Variants in COMMD1 observed in about 807,000 individuals in gnomAD.
COMMD1 encodes the protein COMM domain-containing protein 1.
A neutral mutation model predicts 17.2 loss-of-function variants in COMMD1; 10 were observed. The observed-to-expected ratio is 0.58, with a 90% CI of 0.36 to 0.99. The LOEUF is 0.99. COMMD1 is among the 50% of genes least tolerant of loss of function. The pLI, the probability that COMMD1 is intolerant of heterozygous loss-of-function variation, is 0.01. For missense variants in COMMD1, 270 were observed against 231.8 expected (o/e 1.17, Z -1.07); for synonymous variants, 97 against 91.6 (o/e 1.06, Z -0.34).
intron 1 of COMMD1, among the ~76,000 whole-genome samples, chr2:61,891,709 C>G (rs140847613): frequency 0.013 from 1,959 of 151,754 alleles, 41 homozygotes; most frequent in African/African-American, 0.043. Context: ...GCCTGGGCGA[C>G]AGAGTGAGAC....
chr2:61,922,698 T>G (rs1231249117), intron 1 of COMMD1, among the ~76,000 whole-genome samples: 1 of 152,234 alleles, frequency 6.6e-6, no homozygotes, highest in Non-Finnish European at 1.5e-5. Context: ...TGAAATTGAT[T>G]AAAACAGACA....
intron 1 of COMMD1, among the ~76,000 whole-genome samples, chr2:61,985,659 A>T (rs1262856616): frequency 6.6e-6 from 1 of 151,818 alleles, no homozygotes; most frequent in Non-Finnish European, 1.5e-5. Context: ...TTTAGATTTG[A>T]GGTTACCATG....
At chr2:61,949,709 C>A (rs1558532901) in intron 1 of COMMD1, among the ~76,000 whole-genome samples, 1 of 152,182 alleles carries the variant, frequency 6.6e-6, no homozygotes, top group Non-Finnish European at 1.5e-5. Flanking sequence ...TGGCCTCCAA[C>A]AAAAGTGAGA....
chr2:61,926,072 G>A lies in COMMD1; in HGVS notation c.180+20214G>A, dbSNP rs994383260. Among the ~76,000 whole-genome samples, 15 of 152,084 alleles carry A rather than the reference G, an allele frequency of 9.9e-5. No individual in the cohort carries two copies. The East Asian group carries it at 2.1e-3, about 22-fold the overall frequency. The stretch of plus-strand genomic sequence containing the variant: ...TGCAACCTCTGCCTCCTGGGTTCAC[G>A]CCATTCTCCTGCCTCAGCCTCCCGA... On this transcript the variant is annotated intron_variant, in intron 1 of 2. Coordinates refer to ENST00000311832, the MANE Select transcript of COMMD1 (RefSeq NM_152516.4).
intron 1 of COMMD1, among the ~76,000 whole-genome samples, chr2:61,988,206 C>T (rs1426403838): frequency 6.6e-6 from 1 of 151,954 alleles, no homozygotes; most frequent in African/African-American, 2.4e-5. Flanking sequence ...CTTTATTTTT[C>T]CTTCTACTTT....
chr2:61,920,983 T>A (rs11405053), intron 1 of COMMD1, among the ~76,000 whole-genome samples: 7,293 of 101,624 alleles, frequency 0.072, 239 homozygotes, highest in Non-Finnish European at 0.085. Flanking sequence ...ATATATATAT[T>A]TTTTTTTTTT....
chr2:61,922,638 TA>T (rs1197957615), intron 1 of COMMD1, among the ~76,000 whole-genome samples: 2 of 152,202 alleles, frequency 1.3e-5, no homozygotes, highest in African/African-American at 4.8e-5. Flanking sequence ...AGTTTTATTA[TA>T]AAAATTTGCG....
rs565126686 is a variant in COMMD1 at position 62,016,516 on chromosome 2, T to A, written c.462+15534T>A. ...GAGCCACTGAACCCAGCCTCTTTTTTTTTTTTTTTCCTACACCAAACACCT... is the reference window on the plus strand; with the variant it reads ...GAGCCACTGAACCCAGCCTCTTTTTATTTTTTTTTCCTACACCAAACACCT... On this transcript the variant is annotated intron_variant, in intron 2 of 2. Transcript: ENST00000311832. Among the ~76,000 whole-genome samples the A allele has an allele frequency of 1.8e-3, 270 of 151,616 alleles. 2 individuals are homozygous for A. Among genetic ancestry groups the A allele is most frequent in the African/African-American group, 5.3e-3 (221 of 41,480 alleles).
At chr2:61,926,597 G>A (rs528829562) in intron 1 of COMMD1, among the ~76,000 whole-genome samples, 1 of 152,208 alleles carries the variant, frequency 6.6e-6, no homozygotes, top group East Asian at 1.9e-4. Flanking sequence ...CCATGTCATA[G>A]CCTCATTTCT....
intron 1 of COMMD1, among the ~76,000 whole-genome samples, chr2:61,960,753 G>T (rs903337166): frequency 2.0e-5 from 3 of 152,142 alleles, no homozygotes; most frequent in Admixed American, 6.5e-5. Flanking sequence ...TCCCCCTCGG[G>T]AGGTAACCTT....
At chr2:61,990,044 G>A (rs1024191030) in intron 1 of COMMD1, among the ~76,000 whole-genome samples, 28 of 152,170 alleles carry the variant, frequency 1.8e-4, no homozygotes, top group Admixed American at 8.5e-4. Context: ...GAAAGAGGTG[G>A]TATCAACAAG....
At chr2:62,018,419 C>T (rs1005370595) in intron 2 of COMMD1, among the ~76,000 whole-genome samples, 1 of 152,176 alleles carries the variant, frequency 6.6e-6, no homozygotes, top group Non-Finnish European at 1.5e-5. Context: ...TCTATTTCAG[C>T]AGTTTTTCCA....
chr2:61,953,169 C>G (rs1464576033), intron 1 of COMMD1, among the ~76,000 whole-genome samples: 1 of 151,610 alleles, frequency 6.6e-6, no homozygotes, highest in Admixed American at 6.6e-5. Context: ...GCCACCATGC[C>G]TAGCTAAGTT....
In COMMD1 at chr2:62,004,497, T is replaced by TGCCTATAGGTG. The variant is rs1376718686; in HGVS notation, c.462+3515_462+3516insGCCTATAGGTG. ...TTTGTATTTTTAGTAGAGATGGGGG[T>TGCCTATAGGTG]TTCACCATCTTGGCCAGGCTGGTCT... On this transcript the variant is annotated intron_variant, in intron 2 of 2. Transcript: ENST00000311832. Among the ~76,000 whole-genome samples the TGCCTATAGGTG allele has an allele frequency of 3.3e-5, 5 of 151,882 alleles. No individual in the cohort carries two copies. The East Asian group carries it at 9.7e-4, about 29-fold the overall frequency.
intron 1 of COMMD1, among the ~76,000 whole-genome samples, chr2:61,949,714 G>C (rs1013525024): frequency 6.6e-6 from 1 of 152,230 alleles, no homozygotes; most frequent in African/African-American, 2.4e-5. Context: ...TCCAACAAAA[G>C]TGAGATACTT....
intron 2 of COMMD1, among the ~76,000 whole-genome samples, chr2:62,125,678 G>T (rs1480924845): frequency 6.6e-6 from 1 of 152,170 alleles, no homozygotes; most frequent in Non-Finnish European, 1.5e-5. Context: ...TTAAGATACA[G>T]CATAAACTAT....
At chr2:61,972,016 A>G (rs1411000120) in intron 1 of COMMD1, among the ~76,000 whole-genome samples, 1 of 152,096 alleles carries the variant, frequency 6.6e-6, no homozygotes, top group East Asian at 1.9e-4. Context: ...CCAGCTGCTC[A>G]GGAGGCTAAG....
intron 2 of COMMD1, among the ~76,000 whole-genome samples, chr2:62,132,683 G>GA (rs1269107870): frequency 6.6e-6 from 1 of 151,438 alleles, no homozygotes; most frequent in Admixed American, 6.6e-5. Flanking sequence ...TGTCTCTATT[G>GA]AAAAAAAATA....
intron 2 of COMMD1, among the ~76,000 whole-genome samples, chr2:62,122,631 T>C (rs955895475): frequency 1.3e-5 from 2 of 152,228 alleles, no homozygotes; most frequent in Non-Finnish European, 2.9e-5. Context: ...CACTCATTCT[T>C]GCAAGATCAA....
Sources: allele counts gnomAD v4.1 joint callset (sites outside exome capture counted in the v4.1 genomes callset), GRCh38; gene constraint gnomAD v4.1.1; transcripts MANE v1.5; gene names NCBI Gene and HGNC (gene_info 2026-07-23, HGNC 2026-07-21).